The following VASH2 variants were observed in gnomAD, a reference collection of about 807,000 sequenced individuals.
The protein encoded by VASH2 is vasohibin 2, also known as tubulinyl-Tyr carboxypeptidase 2.
Under a neutral mutation model 37.2 loss-of-function variants are expected in VASH2, and 28 were observed. The ratio of observed to expected loss-of-function variants is 0.75; its 90% confidence interval spans 0.56 to 1.03. The LOEUF is 1.03. Among genes scored for constraint, VASH2 ranks in the 50% least tolerant of loss-of-function variants. The pLI is 0.00. For missense variants in VASH2, 419 were observed against 459.1 expected, an observed-to-expected ratio of 0.91 and a Z score of 0.80; for synonymous variants, 188 against 174.7, an observed-to-expected ratio of 1.08 and a Z score of -0.60.
chr1:212,962,573 C>T (rs1033151431), intron 3 of VASH2, among the ~76,000 whole-genome samples: 3 of 152,148 alleles, frequency 2.0e-5, no homozygotes, highest in African/African-American at 7.2e-5. Flanking sequence ...TTGCAGGGAC[C>T]GAACACTAGC....
At chr1:212,965,651 A>T (rs150897902) in intron 3 of VASH2, 71 bp from the exon 4 acceptor site, 28 of 1,383,340 alleles carry the variant, frequency 2.0e-5, no homozygotes, top group Non-Finnish European at 2.7e-5. Context: ...ATCAGAATGC[A>T]TAGCTTTCTC....
At chr1:212,982,038 T>G (rs1667354152) in intron 7 of VASH2, among the ~76,000 whole-genome samples, 1 of 152,172 alleles carries the variant, frequency 6.6e-6, no homozygotes, top group Non-Finnish European at 1.5e-5. Flanking sequence ...TAGTAGGATT[T>G]TTGACAGAAT....
rs1386384700 is a variant in VASH2, at chr1:212,988,570, C to G, written c.1054C>G (p.Gln352Glu). ...GAGCACTCTGAATGAAGTGGGCTATCAAATCCGAATTTAGCCAAGCCATAC... is the reference window on the plus strand; with the variant it reads ...GAGCACTCTGAATGAAGTGGGCTATGAAATCCGAATTTAGCCAAGCCATAC... ...DLSTLNEVGY[Q>E]IRI is the part of the protein sequence containing the mutation. Residue 352 changes from glutamine (Q) to glutamate (E), a missense_variant, in exon 8 of 8, where the codon CAA becomes GAA. Gln to Glu is a conservative substitution (Grantham distance 29). Coordinates refer to ENST00000517399, the MANE Select transcript of VASH2 (RefSeq NM_001301056.2). 1 of 1,614,108 alleles carries G rather than the reference C, an allele frequency of 6.2e-7. No individual in the cohort carries two copies. Among genetic ancestry groups the G allele is most frequent in the Non-Finnish European group, 8.5e-7 (1 of 1,179,978 alleles).
chr1:212,959,266 CTGTGTGTG>C (rs140070220), intron 2 of VASH2, among the ~76,000 whole-genome samples: 185 of 151,114 alleles, frequency 1.2e-3, no homozygotes, highest in African/African-American at 4.4e-3. Context: ...TTGACTTGCT[CTGTGTGTG>C]TGTGTGTGTG....
intron 5 of VASH2, among the ~76,000 whole-genome samples, chr1:212,972,196 A>C (rs1230710038): frequency 6.6e-6 from 1 of 152,166 alleles, no homozygotes; most frequent in Non-Finnish European, 1.5e-5. Context: ...AGGATGAGGA[A>C]GGTCAGGGAG....
chr1:212,962,977 C>CTT (rs113122383), intron 3 of VASH2, among the ~76,000 whole-genome samples: 5,638 of 147,408 alleles, frequency 0.038, 267 homozygotes, highest in African/African-American at 0.095. Flanking sequence ...CTCCCCATCT[C>CTT]TTTTTTTTTT....
intron 7 of VASH2, among the ~76,000 whole-genome samples, chr1:212,978,605 C>A (rs903703872): frequency 2.0e-5 from 3 of 152,246 alleles, no homozygotes; most frequent in Non-Finnish European, 4.4e-5. Flanking sequence ...ATCCCCCTGA[C>A]TCACGCCCCT....
intron 2 of VASH2, among the ~76,000 whole-genome samples, chr1:212,954,089 A>AT (rs900834456): frequency 6.6e-6 from 1 of 151,932 alleles, no homozygotes; most frequent in African/African-American, 2.4e-5. Flanking sequence ...TTAAAAAAAA[A>AT]TTTTGTAGAG....
chr1:212,970,987 A>G (rs960487126), intron 5 of VASH2, among the ~76,000 whole-genome samples: 3 of 149,138 alleles, frequency 2.0e-5, no homozygotes, highest in African/African-American at 7.5e-5. Flanking sequence ...GCCCCTGCCC[A>G]CCACCGTTCT....
chr1:212,958,351 G>A (rs117089615), intron 2 of VASH2, among the ~76,000 whole-genome samples: 2 of 152,168 alleles, frequency 1.3e-5, no homozygotes, highest in Admixed American at 6.5e-5. Context: ...TTGTCCTCCC[G>A]TTGGGCAGGA....
intron 7 of VASH2, among the ~76,000 whole-genome samples, chr1:212,977,504 A>G (rs1245478253): frequency 6.9e-6 from 1 of 145,456 alleles, no homozygotes; most frequent in Non-Finnish European, 1.5e-5. Context: ...CTGGGGTCAC[A>G]TGGTATGGAA....
chr1:212,951,453 C>A lies in VASH2; in HGVS notation c.-90C>A. 1.3e-6 allele frequency: 1 copy of A among 767,796 alleles called. No individual in the cohort carries two copies. The highest frequency in any genetic ancestry group is 1.6e-6 in the Non-Finnish European group (1 of 623,102). The allele number at this position is 767,796 out of a possible 1,614,324, so 47.6% of individuals were successfully genotyped here. On this transcript the variant is annotated 5_prime_UTR_variant, in exon 2 of 8. Coordinates refer to ENST00000517399, the MANE Select transcript of VASH2 (RefSeq NM_001301056.2). The surrounding 1 kb of genome is among the most constrained non-coding windows in gnomAD (Gnocchi z 4.4). ...CGCCCCCGCGGGGCGCTGATCCCCTCGCCGCGCCCGCGCGCACACGCCCCC... is the reference window on the plus strand; with the variant it reads ...CGCCCCCGCGGGGCGCTGATCCCCTAGCCGCGCCCGCGCGCACACGCCCCC...
intron 7 of VASH2, among the ~76,000 whole-genome samples, chr1:212,984,505 G>C (rs1012903821): frequency 2.6e-5 from 4 of 152,200 alleles, no homozygotes; most frequent in Non-Finnish European, 5.9e-5. Flanking sequence ...CTGAGGGAGA[G>C]ATAACAGGTC....
chr1:212,984,085 A>G (rs1490981537), intron 7 of VASH2, among the ~76,000 whole-genome samples: 1 of 152,210 alleles, frequency 6.6e-6, no homozygotes, highest in African/African-American at 2.4e-5. Flanking sequence ...TAAGTGTCTA[A>G]TAAATAAAAG....
intron 5 of VASH2, 95 bp from the exon 6 acceptor site, chr1:212,972,484 TG>T: frequency 6.8e-7 from 1 of 1,469,934 alleles, no homozygotes; most frequent in Non-Finnish European, 9.2e-7. Context: ...GGCAGGGGGA[TG>T]GACTCACTGA....
intron 7 of VASH2, among the ~76,000 whole-genome samples, chr1:212,987,075 C>T (rs1220074482): frequency 6.6e-6 from 1 of 151,984 alleles, no homozygotes; most frequent in Non-Finnish European, 1.5e-5. Context: ...AGTGGAATTG[C>T]TGGCAGAGAT....
intron 3 of VASH2, among the ~76,000 whole-genome samples, chr1:212,963,515 G>A (rs2102631221): frequency 6.6e-6 from 1 of 151,858 alleles, no homozygotes; most frequent in Non-Finnish European, 1.5e-5. Context: ...GTGGGGATAG[G>A]AAAGGACAAA....
intron 5 of VASH2, chr1:212,966,853 G>A: frequency 2.8e-6 from 1 of 353,456 alleles, no homozygotes; most frequent in Admixed American, 3.7e-5. Context: ...TCAGCCTCCT[G>A]AGTAGCTGGG....
intron 7 of VASH2, among the ~76,000 whole-genome samples, chr1:212,985,365 G>C (rs1193684135): frequency 1.3e-5 from 2 of 150,790 alleles, no homozygotes; most frequent in Non-Finnish European, 3.0e-5. Flanking sequence ...TGTAAAAGCA[G>C]CTCAACAGAG....
Sources: gnomAD v4.1 joint callset for allele counts (sites outside exome capture counted in the v4.1 genomes callset) on GRCh38, gnomAD v4.1.1 for gene constraint, Gnocchi (gnomAD v3.1) non-coding constraint, MANE v1.5 for transcripts, NCBI Gene and HGNC (gene_info 2026-07-23, HGNC 2026-07-21) for gene names.